HAUS2: variants seen among roughly 807,000 people sequenced by gnomAD.
The protein encoded by HAUS2 is HAUS augmin like complex subunit 2.
HAUS2 carries 20 observed loss-of-function variants against 21.6 expected under a neutral mutation model. The observed-to-expected ratio is 0.93, with a 90% CI of 0.65 to 1.35. The LOEUF (loss-of-function observed/expected upper bound fraction) is 1.35, where lower values mean the gene tolerates loss of function less well. HAUS2 is among the 40% of genes most tolerant of loss of function. The pLI is 0.00. For missense variants in HAUS2, 297 were observed against 280.7 expected (o/e 1.06, Z -0.42); for synonymous variants, 113 against 95.6 (o/e 1.18, Z -1.06).
chr15:42,555,246 A>G (rs943637441), intron 1 of HAUS2, among the ~76,000 whole-genome samples: 2 of 151,952 alleles, frequency 1.3e-5, no homozygotes. Context: ...TCGGCCTCCC[A>G]AAGTGCTGGG....
intron 3 of HAUS2, among the ~76,000 whole-genome samples, chr15:42,560,158 A>T (rs1284537180): frequency 1.3e-5 from 2 of 152,214 alleles, no homozygotes; most frequent in African/African-American, 4.8e-5. Flanking sequence ...CTGTCTCAAA[A>T]ATTAAAATTC....
At chr15:42,557,232 C>T (rs1238669412) in intron 1 of HAUS2, among the ~76,000 whole-genome samples, 5 of 139,738 alleles carry the variant, frequency 3.6e-5, no homozygotes, top group Non-Finnish European at 7.6e-5. Context: ...AGGAGAATGG[C>T]ATGAACCCAG....
chr15:42,560,886 C>T (rs890559099), intron 3 of HAUS2: 7 of 699,722 alleles, frequency 1.0e-5, no homozygotes, highest in African/African-American at 3.5e-5. Flanking sequence ...AGCTAGAGCA[C>T]CAGCTAAGGT....
chr15:42,549,948 T>C (rs2057704770), intron 1 of HAUS2, among the ~76,000 whole-genome samples: 1 of 151,482 alleles, frequency 6.6e-6, no homozygotes. Context: ...AGGGAGAAAT[T>C]GAACATGTGA....
At chr15:42,563,700 A>G (rs1222873112) in intron 4 of HAUS2, 49 bp from the exon 5 acceptor site, 1 of 919,238 alleles carries the variant, frequency 1.1e-6, no homozygotes, top group Non-Finnish European at 1.8e-6. Flanking sequence ...AAAGGAACGT[A>G]AAACAATTAA....
chr15:42,548,890 G>A lies in HAUS2; in HGVS notation c.18G>A (p.Pro6=), dbSNP rs542482693. The A allele has an allele frequency of 7.9e-4, 1,225 of 1,550,404 alleles. 22 individuals are homozygous for A. The South Asian group carries it at 0.014, about 17-fold the overall frequency. ...TCCGAGCCATGGCCGCTGCCAACCC[G>A]TGGGACCCGGCGTCCGCGCCTAACG... MAAAN[P]WDPASAPNGA... is the part of the protein sequence containing the mutation. Residue 6 remains proline (P), a synonymous_variant, in exon 1 of 6, where the codon CCG becomes CCA. Transcript: ENST00000260372.
At position 42,568,248 on chromosome 15, in the gene HAUS2, AAACT is replaced by A. The variant is rs1426827971; in HGVS notation, c.*1435_*1438del. On this transcript the variant is annotated 3_prime_UTR_variant, in exon 6 of 6. Transcript: ENST00000260372. ...TTCTGCTGTCATAACAGAATTACAC[AAACT>A]AAGTATTTTATAATGAACAGAAGTT... 6.6e-6 allele frequency: 1 copy of A among 152,216 alleles called. No homozygotes were observed. The highest frequency in any genetic ancestry group is 1.9e-4 in the East Asian group (1 of 5,190). The allele number at this position is 152,216 out of a possible 1,614,324, so 9.4% of individuals were successfully genotyped here. A position where few individuals can be genotyped will look rare whatever the true frequency, so the allele number is the denominator to read the frequency against.
intron 4 of HAUS2, among the ~76,000 whole-genome samples, chr15:42,561,896 T>C (rs1027107222): frequency 1.3e-5 from 2 of 152,150 alleles, no homozygotes; most frequent in African/African-American, 4.8e-5. Context: ...ATAAATAGAA[T>C]AGAGATGAGT....
At chr15:42,555,904 C>T (rs140217472) in intron 1 of HAUS2, among the ~76,000 whole-genome samples, 14 of 152,194 alleles carry the variant, frequency 9.2e-5, no homozygotes, top group Non-Finnish European at 1.9e-4. Context: ...AGTCATGTTC[C>T]AATAAAACTT....
chr15:42,557,666 A>T (rs1177834800), intron 1 of HAUS2, among the ~76,000 whole-genome samples: 1 of 151,654 alleles, frequency 6.6e-6, no homozygotes, highest in Non-Finnish European at 1.5e-5. Context: ...AAGAAGGGGT[A>T]ACCTTTTTAA....
At chr15:42,552,585 G>A (rs1016125888) in intron 1 of HAUS2, among the ~76,000 whole-genome samples, 1 of 152,120 alleles carries the variant, frequency 6.6e-6, no homozygotes, top group African/African-American at 2.4e-5. Context: ...AAGAAAGGTA[G>A]GGCTATCTGT....
At chr15:42,558,073 C>T in intron 1 of HAUS2, 125 bp from the exon 2 acceptor site, 1 of 585,126 alleles carries the variant, frequency 1.7e-6, no homozygotes. Context: ...TTACTTTGTA[C>T]TTCATGTTCA....
chr15:42,563,008 G>A (rs1286035279), intron 4 of HAUS2, among the ~76,000 whole-genome samples: 1 of 151,910 alleles, frequency 6.6e-6, no homozygotes, highest in African/African-American at 2.4e-5. Flanking sequence ...AGCTACTCAG[G>A]AGGCTGAGGC....
intron 4 of HAUS2, among the ~76,000 whole-genome samples, chr15:42,563,410 CAA>C (rs745358598): frequency 1.7e-4 from 10 of 59,338 alleles, no homozygotes; most frequent in Middle Eastern, 7.9e-3. Context: ...GACTCCATCT[CAA>C]AAAAAAAAAA....
chr15:42,550,997 C>CTTTTTTTT (rs56371573), intron 1 of HAUS2, among the ~76,000 whole-genome samples: 1 of 132,800 alleles, frequency 7.5e-6, no homozygotes, highest in Non-Finnish European at 1.6e-5. Context: ...CTTTTCTTTT[C>CTTTTTTTT]TTTTTTTTTT....
chr15:42,553,479 CT>C (rs11434263), intron 1 of HAUS2, among the ~76,000 whole-genome samples: 3,017 of 147,502 alleles, frequency 0.02, 44 homozygotes, highest in Middle Eastern at 0.039. Context: ...ATACTTTTTT[CT>C]TTTTTTTTTT....
At chr15:42,553,718 G>A (rs183758142) in intron 1 of HAUS2, among the ~76,000 whole-genome samples, 146 of 152,202 alleles carry the variant, frequency 9.6e-4, no homozygotes, top group African/African-American at 2.9e-3. Context: ...TGTTGAACCC[G>A]ACAGTTTACT....
At chr15:42,563,612 T>G in intron 4 of HAUS2, 137 bp from the exon 5 acceptor site, 1 of 625,862 alleles carries the variant, frequency 1.6e-6, no homozygotes, top group South Asian at 1.9e-5. Context: ...TTTCTATGAA[T>G]GCAGGAAGGT....
Position 42,566,994 on chromosome 15 carries a change from T to A in HAUS2, c.*178T>A. The A allele has an allele frequency of 2.2e-6, 1 of 451,796 alleles. No individual in the cohort carries two copies. Among genetic ancestry groups the A allele is most frequent in the Non-Finnish European group, 3.9e-6 (1 of 255,256 alleles). The allele number at this position is 451,796 out of a possible 1,614,324, so 28.0% of individuals were successfully genotyped here. On this transcript the variant is annotated 3_prime_UTR_variant, in exon 6 of 6. Coordinates refer to ENST00000260372, the MANE Select transcript of HAUS2 (RefSeq NM_018097.3). ...ACTGACTTTTCCTTTGTTTTTCATA[T>A]ATTTTTATTCTACCTTTCAGTAAAA...
Sources: allele counts gnomAD v4.1 joint callset (sites outside exome capture counted in the v4.1 genomes callset), GRCh38; gene constraint gnomAD v4.1.1; transcripts MANE v1.5; gene names NCBI Gene and HGNC (gene_info 2026-07-23, HGNC 2026-07-21).